MARCHF1: variants seen among roughly 807,000 people sequenced by gnomAD.
MARCHF1 encodes the protein E3 ubiquitin-protein ligase MARCHF1.
MARCHF1 carries 40 observed loss-of-function variants against 54.2 expected under a neutral mutation model. The ratio of observed to expected loss-of-function variants is 0.74; its 90% CI spans 0.57 to 0.96. The LOEUF (loss-of-function observed/expected upper bound fraction) is 0.96, where lower values mean the gene tolerates loss of function less well. MARCHF1 is among the 40% of genes least tolerant of loss of function. The pLI, the probability that MARCHF1 is intolerant of heterozygous loss-of-function variation, is 0.00. For synonymous variants in MARCHF1, 236 were observed against 236.3 expected (o/e 1.00, Z 0.01); for missense variants, 586 against 656.5 (o/e 0.89, Z 1.17).
intron 7 of MARCHF1, among the ~76,000 whole-genome samples, chr4:163,602,959 G>T (rs1466271421): frequency 6.6e-6 from 1 of 152,078 alleles, no homozygotes; most frequent in Non-Finnish European, 1.5e-5. Context: ...ATGTGACAAA[G>T]AACTTTCTCA....
chr4:164,189,231 G>A (rs2111042591), intron 1 of MARCHF1: 1 of 567,844 alleles, frequency 1.8e-6, no homozygotes, highest in Non-Finnish European at 3.2e-6. Flanking sequence ...ATAGGGCTGT[G>A]CAGAAACTCC....
intron 5 of MARCHF1, among the ~76,000 whole-genome samples, chr4:163,637,020 T>C (rs1742356633): frequency 6.6e-6 from 1 of 151,490 alleles, no homozygotes; most frequent in African/African-American, 2.4e-5. Context: ...TAATCAATGG[T>C]GCTGGGAAAA....
chr4:163,776,525 C>T (rs555021585), intron 4 of MARCHF1, among the ~76,000 whole-genome samples: 14 of 152,122 alleles, frequency 9.2e-5, no homozygotes, highest in African/African-American at 3.4e-4. Context: ...TTAGCTTTTA[C>T]TTTCATTCAA....
At chr4:164,031,500 G>A (rs894479548) in intron 2 of MARCHF1, among the ~76,000 whole-genome samples, 45 of 151,784 alleles carry the variant, frequency 3.0e-4, no homozygotes, top group African/African-American at 1.0e-3. Context: ...TTTGAAATAT[G>A]GTCCAGGAAT....
intron 1 of MARCHF1, among the ~76,000 whole-genome samples, chr4:164,151,182 A>G (rs932321461): frequency 6.6e-5 from 10 of 152,160 alleles, no homozygotes; most frequent in Non-Finnish European, 1.0e-4. Context: ...TTTTAAGACA[A>G]TGTATGCAAT....
At chr4:163,862,372 A>C (rs1261965442) in intron 3 of MARCHF1, among the ~76,000 whole-genome samples, 2 of 152,078 alleles carry the variant, frequency 1.3e-5, no homozygotes, top group African/African-American at 4.8e-5. Context: ...TAGAAAGTGA[A>C]GTATCTAATA....
Position 163,597,158 on chromosome 4 carries a change from A to G in MARCHF1, c.1011-11229T>C, listed in dbSNP as rs533692729. Among the ~76,000 whole-genome samples, 5 of 152,166 alleles carry G rather than the reference A, an allele frequency of 3.3e-5. No homozygotes were observed. The South Asian group carries it at 6.2e-4, about 19-fold the overall frequency. The stretch of plus-strand genomic sequence containing the variant: ...TTTTTTGGAGAGACGCGGTTTCGCC[A>G]TGTTGGCCAGGCTGGTCTCAAACTC... On this transcript the variant is annotated intron_variant, in intron 7 of 9. Coordinates refer to ENST00000514618, the MANE Select transcript of MARCHF1 (RefSeq NM_001394959.1).
chr4:163,834,905 G>A (rs985253050), intron 4 of MARCHF1, among the ~76,000 whole-genome samples: 2 of 150,330 alleles, frequency 1.3e-5, no homozygotes, highest in Admixed American at 6.8e-5. Context: ...TTTTAGAGAT[G>A]GGGTCTTGTT....
At chr4:164,128,412 C>T (rs923369462) in intron 1 of MARCHF1, among the ~76,000 whole-genome samples, 10 of 151,620 alleles carry the variant, frequency 6.6e-5, no homozygotes, top group East Asian at 1.9e-4. Context: ...ATTCACAATG[C>T]TCTTAAAAAT....
chr4:163,689,597 A>G lies in MARCHF1; in HGVS notation c.162+11216T>C, dbSNP rs1241068810. ...ATGGCTAATGGCTACCATACTGGATAGTGCAGTTCTAGAGTCAATAACTAA... is the reference window on the plus strand; with the variant it reads ...ATGGCTAATGGCTACCATACTGGATGGTGCAGTTCTAGAGTCAATAACTAA... On this transcript the variant is annotated intron_variant, in intron 5 of 9. Coordinates refer to ENST00000514618, the MANE Select transcript of MARCHF1 (RefSeq NM_001394959.1). Among the ~76,000 whole-genome samples, 4 of 152,160 alleles carry G rather than the reference A, an allele frequency of 2.6e-5. No individual in the cohort carries two copies. In the East Asian group the frequency reaches 7.7e-4, roughly 29 times the overall value.
intron 1 of MARCHF1, among the ~76,000 whole-genome samples, chr4:164,303,354 TG>T (rs1249236884): frequency 6.6e-6 from 1 of 152,120 alleles, no homozygotes; most frequent in East Asian, 1.9e-4. Context: ...TTTCAAGAAA[TG>T]AAAAACTCAT....
At chr4:163,992,061 C>CA (rs544389591) in intron 2 of MARCHF1, among the ~76,000 whole-genome samples, 62 of 52,858 alleles carry the variant, frequency 1.2e-3, no homozygotes, top group African/African-American at 3.9e-3. Context: ...TTGTCAGCTG[C>CA]AAAAAAAAAA....
chr4:163,652,747 G>A (rs925838394), intron 5 of MARCHF1, among the ~76,000 whole-genome samples: 3 of 151,684 alleles, frequency 2.0e-5, no homozygotes, highest in Non-Finnish European at 4.4e-5. Flanking sequence ...TAATTAAAGG[G>A]GAAGACACTG....
At chr4:163,711,093 T>C (rs1369105907) in intron 4 of MARCHF1, among the ~76,000 whole-genome samples, 1 of 151,948 alleles carries the variant, frequency 6.6e-6, no homozygotes, top group Non-Finnish European at 1.5e-5. Flanking sequence ...AGAAGTTTTG[T>C]AAATGACGTG....
At chr4:164,210,142 C>T (rs986092800) in intron 1 of MARCHF1, among the ~76,000 whole-genome samples, 10 of 152,100 alleles carry the variant, frequency 6.6e-5, no homozygotes, top group East Asian at 3.9e-4. Flanking sequence ...GATTATAGTA[C>T]GGAATATTCA....
At chr4:164,225,081 C>T (rs2111162662) in intron 1 of MARCHF1, among the ~76,000 whole-genome samples, 2 of 152,136 alleles carry the variant, frequency 1.3e-5, no homozygotes, top group African/African-American at 4.8e-5. Flanking sequence ...CTCCAGGGCT[C>T]TATGGTGTAA....
intron 1 of MARCHF1, among the ~76,000 whole-genome samples, chr4:164,308,963 TAAA>T (rs11322726): frequency 1.6e-5 from 2 of 124,428 alleles, no homozygotes. Context: ...AAATAAAAGT[TAAA>T]AAAAAAAAAA....
intron 5 of MARCHF1, among the ~76,000 whole-genome samples, chr4:163,627,073 T>C (rs570510595): frequency 1.6e-4 from 25 of 152,286 alleles, no homozygotes; most frequent in Admixed American, 2.6e-4. Flanking sequence ...CAGGACTAGA[T>C]GGAAGTTTAT....
intron 2 of MARCHF1, among the ~76,000 whole-genome samples, chr4:164,100,550 C>G (rs566377735): frequency 6.6e-6 from 1 of 152,336 alleles, no homozygotes; most frequent in South Asian, 2.1e-4. Flanking sequence ...TAAAGTCATT[C>G]AACTTTCACA....
Sources: allele counts gnomAD v4.1 joint callset (sites outside exome capture counted in the v4.1 genomes callset), GRCh38; gene constraint gnomAD v4.1.1; transcripts MANE v1.5; gene names NCBI Gene and HGNC (gene_info 2026-07-23, HGNC 2026-07-21).